FRMD6: variants seen among roughly 807,000 people sequenced by gnomAD.
FRMD6 encodes the protein FERM domain-containing protein 6.
In FRMD6, 37 loss-of-function variants were observed where a neutral mutation model predicts 73.2. That is an observed-to-expected ratio of 0.51 (90% CI 0.39 to 0.66). The LOEUF is 0.66. Ranked by LOEUF, FRMD6 falls within the 30% of genes least tolerant of loss-of-function variation. FRMD6 has a pLI of 0.00. For missense variants in FRMD6, 714 were observed against 780.5 expected, an observed-to-expected ratio of 0.91 and a Z score of 1.02; for synonymous variants, 273 against 282.2, an observed-to-expected ratio of 0.97 and a Z score of 0.33.
At chr14:51,537,030 T>A (rs1284983064) in intron 1 of FRMD6, among the ~76,000 whole-genome samples, 1 of 152,204 alleles carries the variant, frequency 6.6e-6, no homozygotes, top group Non-Finnish European at 1.5e-5. Context: ...ACAGATACAT[T>A]ATCATCAAAG....
chr14:51,554,446 C>T (rs1468613869), intron 1 of FRMD6, among the ~76,000 whole-genome samples: 2 of 152,150 alleles, frequency 1.3e-5, no homozygotes, highest in Admixed American at 6.6e-5. Flanking sequence ...AAAAGAGTAA[C>T]TTTACAGTGG....
intron 1 of FRMD6, among the ~76,000 whole-genome samples, chr14:51,533,065 T>C (rs1885681230): frequency 6.6e-6 from 1 of 152,216 alleles, no homozygotes; most frequent in Admixed American, 6.5e-5. Context: ...TAATGGTCTC[T>C]GCCTCCTCCA....
At chr14:51,721,481 G>C (rs140928079) in intron 11 of FRMD6, among the ~76,000 whole-genome samples, 2,337 of 152,162 alleles carry the variant, frequency 0.015, 76 homozygotes, top group African/African-American at 0.054. Flanking sequence ...GTAGTGGCGC[G>C]CGTCTTCAGT....
chr14:51,470,687 C>A, the FRMD6 span, among the ~76,000 whole-genome samples: 1 of 152,150 alleles, frequency 6.6e-6, no homozygotes, highest in African/African-American at 2.4e-5. Flanking sequence ...CTGAATTCCA[C>A]AAATTTTGGT....
In FRMD6 at chr14:51,669,016, A is replaced by C. The variant is rs1052847186; in HGVS notation, c.-147+17020A>C. Among the ~76,000 whole-genome samples, 20 of 152,202 alleles carry C rather than the reference A, an allele frequency of 1.3e-4. 1 individual carries two copies. Among genetic ancestry groups the C allele is most frequent in the Admixed American group, 1.2e-3 (19 of 15,286 alleles). ...AATCATATGCAATAATAAAATAAAC[A>C]AATTTTAAGTAGATAATTTGATGAG... On this transcript the variant is annotated intron_variant, in intron 1 of 13. Transcript: ENST00000344768.
chr14:51,444,452 A>C, the FRMD6 span, among the ~76,000 whole-genome samples: 1 of 152,208 alleles, frequency 6.6e-6, no homozygotes, highest in Non-Finnish European at 1.5e-5. Context: ...TTACACTGCC[A>C]TTCATTTTTT....
At chr14:51,629,094 T>C (rs960169229) in intron 2 of FRMD6, among the ~76,000 whole-genome samples, 29 of 152,150 alleles carry the variant, frequency 1.9e-4, no homozygotes, top group African/African-American at 6.7e-4. Context: ...GCCAGGATGG[T>C]CTCGATTTCC....
chr14:51,444,565 A>C, the FRMD6 span, among the ~76,000 whole-genome samples: 2,286 of 152,238 alleles, frequency 0.015, 31 homozygotes, highest in Middle Eastern at 0.048. Context: ...GTGCTGATGA[A>C]AACTGAGAGA....
At chr14:51,484,132 T>A (rs2140147246), upstream of FRMD6, among the ~76,000 whole-genome samples, 1 of 152,296 alleles carries the variant, frequency 6.6e-6, no homozygotes, top group South Asian at 2.1e-4. Context: ...CTATTTTAAG[T>A]CATAAGTCAA....
At chr14:51,532,256 C>T (rs995202401) in intron 1 of FRMD6, among the ~76,000 whole-genome samples, 1 of 151,396 alleles carries the variant, frequency 6.6e-6, no homozygotes, top group Admixed American at 6.6e-5. Context: ...GTAGTCCCAG[C>T]TACTCGGGAG....
intron 1 of FRMD6, among the ~76,000 whole-genome samples, chr14:51,494,258 G>A (rs1883172049): frequency 1.3e-5 from 2 of 152,166 alleles, no homozygotes; most frequent in South Asian, 4.1e-4. Flanking sequence ...CTCTAAATTA[G>A]ATATGGATGA....
intron 8 of FRMD6, among the ~76,000 whole-genome samples, chr14:51,711,855 A>G (rs1209840872): frequency 6.6e-6 from 1 of 152,254 alleles, no homozygotes; most frequent in Non-Finnish European, 1.5e-5. Flanking sequence ...GCCCAGGTTC[A>G]TCACTAACAG....
chr14:51,481,165 T>A, the FRMD6 span, among the ~76,000 whole-genome samples: 1 of 152,138 alleles, frequency 6.6e-6, no homozygotes, highest in South Asian at 2.1e-4. Context: ...GATACAAAAC[T>A]TAAAGGTAAG....
chr14:51,505,694 C>A (rs111744490), intron 1 of FRMD6, among the ~76,000 whole-genome samples: 67 of 152,268 alleles, frequency 4.4e-4, no homozygotes, highest in African/African-American at 1.3e-3. Flanking sequence ...GTTTCTAAAC[C>A]TAAATGCATC....
the FRMD6 span, among the ~76,000 whole-genome samples, chr14:51,481,385 C>G: frequency 6.6e-6 from 1 of 152,082 alleles, no homozygotes; most frequent in Non-Finnish European, 1.5e-5. Context: ...AAGGGGAAAC[C>G]CCTTATAAAA....
intron 7 of FRMD6, 61 bp from the exon 8 acceptor site, chr14:51,711,470 T>C: frequency 1.8e-6 from 2 of 1,091,810 alleles, no homozygotes; most frequent in Non-Finnish European, 2.7e-6. Flanking sequence ...GGTGCTAAAT[T>C]GTCCACTGTA....
chr14:51,681,732 T>G (rs920287817), intron 1 of FRMD6, among the ~76,000 whole-genome samples: 1 of 152,198 alleles, frequency 6.6e-6, no homozygotes, highest in African/African-American at 2.4e-5. Flanking sequence ...AATGTTACAG[T>G]CAGATTACAG....
At chr14:51,537,695 A>G (rs1885974640) in intron 1 of FRMD6, among the ~76,000 whole-genome samples, 1 of 152,196 alleles carries the variant, frequency 6.6e-6, no homozygotes, top group Non-Finnish European at 1.5e-5. Context: ...GATTTTGGCC[A>G]TTGTAATATG....
At chr14:51,628,206 A>G (rs1403554966) in intron 2 of FRMD6, among the ~76,000 whole-genome samples, 2 of 152,220 alleles carry the variant, frequency 1.3e-5, no homozygotes, top group Non-Finnish European at 2.9e-5. Flanking sequence ...CCTATTTCTA[A>G]GAGTACAATC....
Sources: allele counts gnomAD v4.1 joint callset (sites outside exome capture counted in the v4.1 genomes callset), GRCh38; gene constraint gnomAD v4.1.1; transcripts MANE v1.5; gene names NCBI Gene and HGNC (gene_info 2026-07-23, HGNC 2026-07-21).